STAT1: variants seen among roughly 807,000 people sequenced by gnomAD.
The protein encoded by STAT1 is signal transducer and activator of transcription 1-alpha/beta.
STAT1 carries 24 observed loss-of-function variants against 111.7 expected under a neutral mutation model. The observed-to-expected ratio is 0.21, with a 90% CI of 0.16 to 0.30. The LOEUF (loss-of-function observed/expected upper bound fraction) is 0.30, where lower values mean the gene tolerates loss of function less well. Ranked by LOEUF, STAT1 falls within the 10% of genes least tolerant of loss-of-function variation. The probability of loss-of-function intolerance (pLI) is 1.00; values close to 1 mark genes in which losing one functional copy is unlikely to be tolerated. For missense variants in STAT1, 351 were observed against 911.9 expected, an observed-to-expected ratio of 0.38 and a Z score of 7.92; for synonymous variants, 332 against 326.5, an observed-to-expected ratio of 1.02 and a Z score of -0.18.
Position 190,987,401 on chromosome 2 carries a change from G to C in STAT1, c.1098-333C>G, listed in dbSNP as rs45603937. ...ACACCCTCAATAAATGTAAGCACCA[G>C]CACCAGTACACCCTCAATAAATGTT... On this transcript the variant is annotated intron_variant, in intron 12 of 24. Coordinates refer to ENST00000361099, the MANE Select transcript of STAT1 (RefSeq NM_007315.4). The surrounding 1 kb of genome is among the most constrained non-coding windows in gnomAD (Gnocchi z 4.0). Among the ~76,000 whole-genome samples, 38 of 152,296 alleles carry C rather than the reference G, an allele frequency of 2.5e-4. No homozygotes were observed. The highest frequency in any genetic ancestry group is 8.4e-4 in the African/African-American group (35 of 41,564).
rs765408276 is a variant in STAT1 at position 191,000,399 on chromosome 2, G to T, written c.462+675C>A. ...TTTGGAAAGATGCTGTCTGAAGCAT[G>T]TAAGTCAAGGCCATACTGCTATTAC... On this transcript the variant is annotated intron_variant, in intron 6 of 24. Coordinates refer to ENST00000361099, the MANE Select transcript of STAT1 (RefSeq NM_007315.4). The surrounding 1 kb of genome is among the most constrained non-coding windows in gnomAD (Gnocchi z 4.8). Among the ~76,000 whole-genome samples the T allele has an allele frequency of 2.0e-5, 3 of 152,166 alleles. No homozygotes were observed. The highest frequency in any genetic ancestry group is 4.4e-5 in the Non-Finnish European group (3 of 68,024).
Position 190,984,256 on chromosome 2 carries a change from C to A in STAT1, c.1347+54G>T. ...CACTGAGAAATAAAAATACATGTAACAATTAAAAGTAAAAATAATGAAGTT... is the reference window on the plus strand; with the variant it reads ...CACTGAGAAATAAAAATACATGTAAAAATTAAAAGTAAAAATAATGAAGTT... On this transcript the variant is annotated intron_variant, in intron 16 of 24. Transcript: ENST00000361099. This position sits in a 1 kb window ranked among gnomAD's most constrained non-coding sequence, Gnocchi z 5.2. The A allele has an allele frequency of 7.3e-7, 1 of 1,372,832 alleles. No homozygotes were observed. Among genetic ancestry groups the A allele is most frequent in the Non-Finnish European group, 1.0e-6 (1 of 962,462 alleles). The allele number at this position is 1,372,832 out of a possible 1,614,324, so 85.0% of individuals were successfully genotyped here.
At position 190,971,390 on chromosome 2, in the gene STAT1, T is replaced by C. The variant is rs1292685006; in HGVS notation, c.2239-673A>G. Reference sequence around the variant, plus strand: ...TGAAGACATTGCTGATTGTCCCATCTGGCTGTGAGGGTGCATGTGCTTACT... The same window carrying C: ...TGAAGACATTGCTGATTGTCCCATCCGGCTGTGAGGGTGCATGTGCTTACT... On this transcript the variant is annotated intron_variant, in intron 24 of 24. Coordinates refer to ENST00000361099, the MANE Select transcript of STAT1 (RefSeq NM_007315.4). This position sits in a 1 kb window ranked among gnomAD's most constrained non-coding sequence, Gnocchi z 4.1. Among the ~76,000 whole-genome samples the C allele has an allele frequency of 6.6e-6, 1 of 152,202 alleles. No homozygotes were observed. Among genetic ancestry groups the C allele is most frequent in the Non-Finnish European group, 1.5e-5 (1 of 68,036 alleles).
Position 190,979,873 on chromosome 2 carries a change from GT to G in STAT1, c.1633-8del. On this transcript the variant is annotated splice_polypyrimidine_tract_variant and splice_region_variant and intron_variant, in intron 19 of 24. Transcript: ENST00000361099. The surrounding 1 kb of genome is among the most constrained non-coding windows in gnomAD (Gnocchi z 5.8). ...TTTTATCATTTATATTTTCCTGAAA[GT>G]ATACAAATGCAGACATTATGAACAA... is the stretch of plus-strand genomic sequence containing the variant. The G allele has an allele frequency of 6.4e-7, 1 of 1,567,764 alleles. No homozygotes were observed. The highest frequency in any genetic ancestry group is 8.8e-7 in the Non-Finnish European group (1 of 1,138,108).
rs963363209 is a variant in STAT1, at chr2:190,981,818, C to G, written c.1582+565G>C. 6.6e-6 allele frequency among the ~76,000 whole-genome samples: 1 copy of G among 152,214 alleles called. No individual in the cohort carries two copies. Among genetic ancestry groups the G allele is most frequent in the Non-Finnish European group, 1.5e-5 (1 of 68,028 alleles). On this transcript the variant is annotated intron_variant, in intron 18 of 24. Coordinates refer to ENST00000361099, the MANE Select transcript of STAT1 (RefSeq NM_007315.4). This position sits in a 1 kb window ranked among gnomAD's most constrained non-coding sequence, Gnocchi z 4.1. ...TCTTTGATTTGTTTAGTATGAAGGA[C>G]TAATAAATGCACTGACATTAACCAC... is the stretch of plus-strand genomic sequence containing the variant.
chr2:190,972,056 G>A (rs972718257), intron 24 of STAT1, among the ~76,000 whole-genome samples: 2 of 152,094 alleles, frequency 1.3e-5, no homozygotes, highest in Non-Finnish European at 2.9e-5. Flanking sequence ...GGACCGTGGG[G>A]GTAAAGAGAG....
Position 190,974,942 on chromosome 2 carries a change from G to A in STAT1, c.2136-10C>T. On this transcript the variant is annotated splice_polypyrimidine_tract_variant and intron_variant, in intron 23 of 24. Coordinates refer to ENST00000361099, the MANE Select transcript of STAT1 (RefSeq NM_007315.4). The surrounding 1 kb of genome is among the most constrained non-coding windows in gnomAD (Gnocchi z 4.8). ...AAGTCTAGAAGGGTGACTAAAATGG[G>A]GAAAAAGAAAAGAGCAATGTCAACA... 11 of 1,607,270 alleles carry A rather than the reference G, an allele frequency of 6.8e-6. No homozygotes were observed. The highest frequency in any genetic ancestry group is 9.4e-6 in the Non-Finnish European group (11 of 1,173,926).
chr2:190,999,737 G>C lies in STAT1; in HGVS notation c.463-33C>G, dbSNP rs769677403. The stretch of plus-strand genomic sequence containing the variant: ...CAAAGATGTAAACATGTTTTCTACT[G>C]ATCAGCAACTTCCAAAGACTTTAGG... On this transcript the variant is annotated intron_variant, in intron 6 of 24. Coordinates refer to ENST00000361099, the MANE Select transcript of STAT1 (RefSeq NM_007315.4). This position sits in a 1 kb window ranked among gnomAD's most constrained non-coding sequence, Gnocchi z 4.1. 6.7e-7 allele frequency: 1 copy of C among 1,503,180 alleles called. No homozygotes were observed. The highest frequency in any genetic ancestry group is 9.3e-7 in the Non-Finnish European group (1 of 1,080,504). The allele number at this position is 1,503,180 out of a possible 1,614,324, so 93.1% of individuals were successfully genotyped here.
At position 190,986,834 on chromosome 2, in the gene STAT1, G is replaced by A. The variant is rs766892090; in HGVS notation, c.1221+20C>T. ...CCTAAGAAACCAGAGACAACATAGA[G>A]AGGAAACTGATGTCCCTACCAGGTG... On this transcript the variant is annotated intron_variant, in intron 14 of 24. Coordinates refer to ENST00000361099, the MANE Select transcript of STAT1 (RefSeq NM_007315.4). The surrounding 1 kb of genome is among the most constrained non-coding windows in gnomAD (Gnocchi z 5.0). 1.2e-6 allele frequency: 2 copies of A among 1,608,676 alleles called. No individual in the cohort carries two copies. Among genetic ancestry groups the A allele is most frequent in the Non-Finnish European group, 1.7e-6 (2 of 1,174,978 alleles).
Position 190,993,364 on chromosome 2 carries a change from T to G in STAT1, c.944+1697A>C, listed in dbSNP as rs1693543672. The G allele has an allele frequency of 1.8e-5, 20 of 1,123,934 alleles. No individual in the cohort carries two copies. The allele number at this position is 1,123,934 out of a possible 1,614,324, so 69.6% of individuals were successfully genotyped here. On this transcript the variant is annotated intron_variant, in intron 10 of 24. Transcript: ENST00000361099. The surrounding 1 kb of genome is among the most constrained non-coding windows in gnomAD (Gnocchi z 4.1). ...TGACTGTTCGAAACCTTTCCTGTTCTGCTGTGTTCCATATTTGAAGCTTGA... is the reference window on the plus strand; with the variant it reads ...TGACTGTTCGAAACCTTTCCTGTTCGGCTGTGTTCCATATTTGAAGCTTGA...
Position 190,993,492 on chromosome 2 carries a change from C to G in STAT1, c.944+1569G>C. 1.1e-6 allele frequency: 1 copy of G among 948,994 alleles called. No individual in the cohort carries two copies. Among genetic ancestry groups the G allele is most frequent in the South Asian group, 1.4e-5 (1 of 72,976 alleles). The allele number at this position is 948,994 out of a possible 1,614,324, so 58.8% of individuals were successfully genotyped here. On this transcript the variant is annotated intron_variant, in intron 10 of 24. Coordinates refer to ENST00000361099, the MANE Select transcript of STAT1 (RefSeq NM_007315.4). The surrounding 1 kb of genome is among the most constrained non-coding windows in gnomAD (Gnocchi z 4.1). The stretch of plus-strand genomic sequence containing the variant: ...ATCATCTGCAAACCTAAGAAGGAGG[C>G]AAGACTTTCCAACCCCAGAGTCGCC...
rs1400505230 is a variant in STAT1 at position 190,990,734 on chromosome 2, G to C, written c.1037+494C>G. ...TTGTGTAGACATGGACAAAATCCTGGGAGGACAGACACTAGGCCATTTACT... is the reference window on the plus strand; with the variant it reads ...TTGTGTAGACATGGACAAAATCCTGCGAGGACAGACACTAGGCCATTTACT... On this transcript the variant is annotated intron_variant, in intron 11 of 24. Transcript: ENST00000361099. This position sits in a 1 kb window ranked among gnomAD's most constrained non-coding sequence, Gnocchi z 5.1. Among the ~76,000 whole-genome samples the C allele has an allele frequency of 1.3e-5, 2 of 152,114 alleles. No homozygotes were observed. Among genetic ancestry groups the C allele is most frequent in the African/African-American group, 2.4e-5 (1 of 41,410 alleles).
Position 190,981,612 on chromosome 2 carries a change from C to T in STAT1, c.1582+771G>A, listed in dbSNP as rs1692398868. 6.6e-6 allele frequency among the ~76,000 whole-genome samples: 1 copy of T among 152,242 alleles called. No individual in the cohort carries two copies. The highest frequency in any genetic ancestry group is 2.4e-5 in the African/African-American group (1 of 41,460). ...CACAAGACCACCACTGTGACAGCTGCATATCCAAGAGAAGAAGGCACTGTT... is the reference window on the plus strand; with the variant it reads ...CACAAGACCACCACTGTGACAGCTGTATATCCAAGAGAAGAAGGCACTGTT... On this transcript the variant is annotated intron_variant, in intron 18 of 24. Coordinates refer to ENST00000361099, the MANE Select transcript of STAT1 (RefSeq NM_007315.4). The surrounding 1 kb of genome is among the most constrained non-coding windows in gnomAD (Gnocchi z 4.1).
Position 191,004,442 on chromosome 2 carries a change from G to A in STAT1, c.372+3121C>T, listed in dbSNP as rs1238527509. 6.6e-6 allele frequency among the ~76,000 whole-genome samples: 1 copy of A among 152,198 alleles called. No homozygotes were observed. Among genetic ancestry groups the A allele is most frequent in the Admixed American group, 6.5e-5 (1 of 15,280 alleles). On this transcript the variant is annotated intron_variant, in intron 5 of 24. Coordinates refer to ENST00000361099, the MANE Select transcript of STAT1 (RefSeq NM_007315.4). The surrounding 1 kb of genome is among the most constrained non-coding windows in gnomAD (Gnocchi z 5.0). ...GGAAGGGGGTCCTTTCCAATGGAGT[G>A]AGCAGTTGTCCAAGTAAGGGAATAG...
Position 190,991,353 on chromosome 2 carries a change from G to A in STAT1, c.945-33C>T, listed in dbSNP as rs757326828. ...TACCCAGCAAAGGATAGATAAGTTA[G>A]CATTTCCATTAAGGTTGAGGCAATC... is the stretch of plus-strand genomic sequence containing the variant. On this transcript the variant is annotated intron_variant, in intron 10 of 24. Coordinates refer to ENST00000361099, the MANE Select transcript of STAT1 (RefSeq NM_007315.4). The A allele has an allele frequency of 2.5e-6, 4 of 1,602,724 alleles. No individual in the cohort carries two copies. The East Asian group carries it at 8.9e-5, about 36-fold the overall frequency.
At position 190,979,098 on chromosome 2, in the gene STAT1, A is replaced by G. The variant is rs553747054; in HGVS notation, c.1728-97T>C. On this transcript the variant is annotated intron_variant, in intron 20 of 24. Coordinates refer to ENST00000361099, the MANE Select transcript of STAT1 (RefSeq NM_007315.4). The surrounding 1 kb of genome is among the most constrained non-coding windows in gnomAD (Gnocchi z 5.8). ...ACCAAGAAAATGGCTGGAATGTGAG[A>G]AAAAAAACCTACGGTAAAAAACGTA... 7.3e-6 allele frequency: 11 copies of G among 1,507,084 alleles called. No homozygotes were observed. In the East Asian group the frequency reaches 1.4e-4, roughly 19 times the overall value. 93.4% of individuals were successfully genotyped at this position (1,507,084 alleles called of 1,614,324 possible).
rs1174467744 is a variant in STAT1 at position 190,976,808 on chromosome 2, C to T, written c.2059+32G>A. On this transcript the variant is annotated intron_variant, in intron 22 of 24. Transcript: ENST00000361099. This position sits in a 1 kb window ranked among gnomAD's most constrained non-coding sequence, Gnocchi z 6.0. The stretch of plus-strand genomic sequence containing the variant: ...CACCCCCTCATCAGGAAAGACTGTG[C>T]CACGCTGTTACCACCTGCTTGCCCC... The T allele has an allele frequency of 6.3e-7, 1 of 1,589,184 alleles. No homozygotes were observed. The highest frequency in any genetic ancestry group is 1.1e-5 in the South Asian group (1 of 90,508).
chr2:190,975,313 G>C lies in STAT1; in HGVS notation c.2136-381C>G, dbSNP rs1189382798. 2.1e-6 allele frequency: 1 copy of C among 480,412 alleles called. No homozygotes were observed. The highest frequency in any genetic ancestry group is 2.0e-5 in the African/African-American group (1 of 50,394). The allele number at this position is 480,412 out of a possible 1,614,324, so 29.8% of individuals were successfully genotyped here. A position where few individuals can be genotyped will look rare whatever the true frequency, so the allele number is the denominator to read the frequency against. On this transcript the variant is annotated intron_variant, in intron 23 of 24. Coordinates refer to ENST00000361099, the MANE Select transcript of STAT1 (RefSeq NM_007315.4). The surrounding 1 kb of genome is among the most constrained non-coding windows in gnomAD (Gnocchi z 5.9). ...CTGGGGAGTCCCTCATCCCTACCTT[G>C]AGGTTTGAATGCAGATAAAGCTGCT...
rs1470646397 is a variant in STAT1 at position 190,980,314 on chromosome 2, C to T, written c.1632+306G>A. 6.6e-6 allele frequency among the ~76,000 whole-genome samples: 1 copy of T among 152,254 alleles called. No homozygotes were observed. The highest frequency in any genetic ancestry group is 2.4e-5 in the African/African-American group (1 of 41,470). ...TGGTCAGGCTGCGCCACCCAGCCCA[C>T]AACATACATTTCACACAGAAATGGC... On this transcript the variant is annotated intron_variant, in intron 19 of 24. Coordinates refer to ENST00000361099, the MANE Select transcript of STAT1 (RefSeq NM_007315.4). This position sits in a 1 kb window ranked among gnomAD's most constrained non-coding sequence, Gnocchi z 6.1.
Sources: allele counts gnomAD v4.1 joint callset (sites outside exome capture counted in the v4.1 genomes callset), GRCh38; gene constraint gnomAD v4.1.1; non-coding constraint Gnocchi (gnomAD v3.1); transcripts MANE v1.5; gene names NCBI Gene and HGNC (gene_info 2026-07-23, HGNC 2026-07-21).